FAM114A2: variants seen among roughly 807,000 people sequenced by gnomAD.
FAM114A2 encodes family with sequence similarity 114 member A2, also known as protein FAM114A2.
FAM114A2 carries 53 observed loss-of-function variants against 58.4 expected under a neutral mutation model. The observed-to-expected ratio is 0.91, with a 90% CI of 0.73 to 1.14. The LOEUF (loss-of-function observed/expected upper bound fraction) is 1.14. Among genes scored for constraint, FAM114A2 ranks in the 50% most tolerant of loss-of-function variants. The pLI is 0.00. For missense variants in FAM114A2, 601 were observed against 581.1 expected (o/e 1.03, Z -0.35); for synonymous variants, 228 against 211.4 (o/e 1.08, Z -0.68).
Position 154,028,276 on chromosome 5 carries a change from C to G in FAM114A2, c.503G>C (p.Ser168Thr), listed in dbSNP as rs1441986707. The G allele has an allele frequency of 1.3e-6, 2 of 1,594,244 alleles. No homozygotes were observed. The highest frequency in any genetic ancestry group is 1.7e-5 in the Admixed American group (1 of 58,100). Residue 168 changes from serine to threonine, a missense_variant, in exon 6 of 14, where the codon AGT becomes ACT. Physicochemically the swap from Ser to Thr is moderately conservative, Grantham distance 58 (BLOSUM62 1). Transcript: ENST00000351797. ...ISTAVQSTGK[S>T]VISGGLDALE... The stretch of plus-strand genomic sequence containing the variant: ...GGCATCCAAACCCCCACTTATAACA[C>G]TCTTTCCCTAGAAAATACATGCAAC...
intron 9 of FAM114A2, among the ~76,000 whole-genome samples, chr5:154,006,708 T>C (rs1158531059): frequency 6.6e-6 from 1 of 151,890 alleles, no homozygotes; most frequent in Non-Finnish European, 1.5e-5. Context: ...GAAGGATTAA[T>C]TTATCAGAGA....
At chr5:154,014,280 G>A (rs923709108) in intron 8 of FAM114A2, among the ~76,000 whole-genome samples, 1 of 152,236 alleles carries the variant, frequency 6.6e-6, no homozygotes, top group Non-Finnish European at 1.5e-5. Flanking sequence ...GAAAGTAGGA[G>A]AGATCATGGC....
At chr5:154,013,669 T>C (rs1485307109) in intron 8 of FAM114A2, among the ~76,000 whole-genome samples, 2 of 152,194 alleles carry the variant, frequency 1.3e-5, no homozygotes, top group Admixed American at 6.5e-5. Flanking sequence ...GTTGAGTAAA[T>C]TGAACAAATA....
chr5:154,038,037 TAAAA>T (rs796107501), intron 1 of FAM114A2, among the ~76,000 whole-genome samples: 1 of 143,350 alleles, frequency 7.0e-6, no homozygotes, highest in African/African-American at 2.6e-5. Flanking sequence ...GGAGAAAGGT[TAAAA>T]AAAAAAAAGG....
At chr5:154,020,533 C>T (rs989784522) in intron 8 of FAM114A2, among the ~76,000 whole-genome samples, 1 of 152,110 alleles carries the variant, frequency 6.6e-6, no homozygotes, top group African/African-American at 2.4e-5. Flanking sequence ...CACAAATAAA[C>T]TAGAAAATCA....
intron 1 of FAM114A2, chr5:154,036,732 C>T (rs1293735257): frequency 6.6e-6 from 1 of 152,124 alleles, no homozygotes. Flanking sequence ...CTGAAATAAG[C>T]CTAGAGTAGT....
intron 12 of FAM114A2, among the ~76,000 whole-genome samples, chr5:153,996,573 A>T (rs1213505407): frequency 6.1e-5 from 9 of 147,630 alleles, no homozygotes; most frequent in African/African-American, 2.3e-4. Context: ...GAAAATTAAA[A>T]AAAAAAAAAA....
chr5:154,027,553 T>C, intron 6 of FAM114A2: 1 of 390,912 alleles, frequency 2.6e-6, no homozygotes, highest in Non-Finnish European at 4.5e-6. Context: ...CAGGCTGGAG[T>C]GCAGTGGCAC....
intron 8 of FAM114A2, among the ~76,000 whole-genome samples, chr5:154,023,621 G>T (rs1230851885): frequency 6.6e-6 from 1 of 151,994 alleles, no homozygotes; most frequent in Non-Finnish European, 1.5e-5. Flanking sequence ...GGGGACTCAG[G>T]GGGAAAGGAT....
chr5:154,008,819 T>C (rs1035906639), intron 9 of FAM114A2, among the ~76,000 whole-genome samples: 19 of 152,130 alleles, frequency 1.2e-4, no homozygotes, highest in African/African-American at 4.6e-4. Context: ...ATAAAACCAT[T>C]TCAGATACAT....
rs1045999306 is a variant in FAM114A2 at position 154,034,654 on chromosome 5, T to C, written c.210+90A>G. On this transcript the variant is annotated intron_variant, in intron 2 of 13. Coordinates refer to ENST00000351797, the MANE Select transcript of FAM114A2 (RefSeq NM_018691.4). Reference sequence around the variant, plus strand: ...AGAAAGAAATAAGAGCAATTCTAAATTGGTATTTATGCCAAATTTCTTTTA... The same window carrying C: ...AGAAAGAAATAAGAGCAATTCTAAACTGGTATTTATGCCAAATTTCTTTTA... 1.1e-5 allele frequency: 10 copies of C among 909,314 alleles called. No individual in the cohort carries two copies. In the African/African-American group the frequency reaches 1.2e-4, roughly 11 times the overall value. 56.3% of individuals were successfully genotyped at this position (909,314 alleles called of 1,614,324 possible).
At chr5:154,011,663 G>A (rs1427137824) in intron 8 of FAM114A2, among the ~76,000 whole-genome samples, 1 of 152,140 alleles carries the variant, frequency 6.6e-6, no homozygotes, top group African/African-American at 2.4e-5. Flanking sequence ...CCTGTGCTGT[G>A]CTTTTTGCAT....
rs1007167444 is a variant in FAM114A2 at position 154,027,226 on chromosome 5, G to C, written c.739C>G (p.Leu247Val). ...ATCTCCAGAGCTTCTAGATGTGAAA[G>C]GCCTTGAAATTCATCAAAGAGTAGC... is the stretch of plus-strand genomic sequence containing the variant. ...YGLLFDEFQGLSHLEALEMLS... is the reference protein window; with the variant it reads ...YGLLFDEFQGVSHLEALEMLS... The change falls in exon 7 of 14, where the codon CTT (leucine) becomes GTT (valine). Residue 247 changes from leucine (L) to valine (V), a missense_variant. Transcript: ENST00000351797. 21 of 1,613,412 alleles carry C rather than the reference G, an allele frequency of 1.3e-5. No individual in the cohort carries two copies. Among genetic ancestry groups the C allele is most frequent in the Admixed American group, 1.0e-4 (6 of 59,914 alleles).
chr5:153,994,885 C>T (rs1468168412), intron 13 of FAM114A2, 34 bp downstream of exon 13: 9 of 1,406,092 alleles, frequency 6.4e-6, no homozygotes, highest in Non-Finnish European at 9.1e-6. Flanking sequence ...TACGTAATAC[C>T]TTTGGAGTCA....
chr5:154,011,618 AG>A (rs1770706059), intron 8 of FAM114A2, among the ~76,000 whole-genome samples: 1 of 152,208 alleles, frequency 6.6e-6, no homozygotes, highest in Non-Finnish European at 1.5e-5. Flanking sequence ...AAAGATTAGT[AG>A]TCAAACCTTA....
At chr5:154,012,461 T>C (rs1026076968) in intron 8 of FAM114A2, among the ~76,000 whole-genome samples, 4 of 152,248 alleles carry the variant, frequency 2.6e-5, no homozygotes, top group African/African-American at 9.6e-5. Flanking sequence ...CTCTTGTACA[T>C]AGAAATCTTC....
At chr5:154,004,761 C>A (rs2113260022) in intron 9 of FAM114A2, among the ~76,000 whole-genome samples, 1 of 152,194 alleles carries the variant, frequency 6.6e-6, no homozygotes, top group East Asian at 1.9e-4. Context: ...TACTTGAGTT[C>A]AGATCCACTT....
chr5:153,993,227 G>A (rs1330963371), intron 13 of FAM114A2, 117 bp from the exon 14 acceptor site: 1 of 779,180 alleles, frequency 1.3e-6, no homozygotes, highest in Non-Finnish European at 1.9e-6. Flanking sequence ...TCATAGCCTG[G>A]CAAGTAAGAG....
At position 154,027,270 on chromosome 5, in the gene FAM114A2, T is replaced by C; in HGVS notation, c.695A>G (p.Asp232Gly). 6.2e-7 allele frequency: 1 copy of C among 1,613,648 alleles called. No individual in the cohort carries two copies. The highest frequency in any genetic ancestry group is 8.5e-7 in the Non-Finnish European group (1 of 1,179,668). ...GAGTAGCCCATAATGAGTTTTCTTG[T>C]CTGTTTCCACGGTAACCTCATTGGA... ...RTSNEVTVET[D>G]KKTHYGLLFD... is the part of the protein sequence containing the mutation. Residue 232 changes from aspartate to glycine, a missense_variant, in exon 7 of 14, where the codon GAC (aspartate) becomes GGC (glycine). Coordinates refer to ENST00000351797, the MANE Select transcript of FAM114A2 (RefSeq NM_018691.4).
Sources: gnomAD v4.1 joint callset for allele counts (sites outside exome capture counted in the v4.1 genomes callset) on GRCh38, gnomAD v4.1.1 for gene constraint, MANE v1.5 for transcripts, NCBI Gene and HGNC (gene_info 2026-07-23, HGNC 2026-07-21) for gene names.